PPFIA3: variants seen among roughly 807,000 people sequenced by gnomAD.
PPFIA3 encodes the protein PPFI scaffold protein A3.
A neutral mutation model predicts 145.8 loss-of-function variants in PPFIA3; 26 were observed. The ratio of observed to expected loss-of-function variants is 0.18; its 90% CI spans 0.13 to 0.25. PPFIA3 has a LOEUF of 0.25. PPFIA3 is among the 10% of genes least tolerant of loss of function. PPFIA3 has a pLI of 1.00. For synonymous variants in PPFIA3, 645 were observed against 661.4 expected (o/e 0.98, Z 0.38); for missense variants, 1,008 against 1,587.8 (o/e 0.63, Z 6.21).
chr19:49,136,772 G>A lies in PPFIA3; in HGVS notation c.1714G>A (p.Gly572Arg). 6.3e-7 allele frequency: 1 copy of A among 1,583,954 alleles called. No individual in the cohort carries two copies. The highest frequency in any genetic ancestry group is 1.3e-5 in the African/African-American group (1 of 74,688). The change falls in exon 15 of 30, where the codon GGG becomes AGG. Residue 572 changes from glycine to arginine, a missense_variant. Around this residue, in one of 11 missense-constraint regions of PPFIA3, gnomAD observed 121 missense variants for 138.2 expected, o/e 0.88. Transcript: ENST00000334186. ...PAGSIPPPFP[G>R]ELDGSDEEEA... is the part of the protein sequence containing the mutation. The stretch of plus-strand genomic sequence containing the variant: ...GGGCTCCATACCACCCCCATTCCCT[G>A]GGGAACTGGACGGCTCCGATGAGGA...
chr19:49,134,698 C>A lies in PPFIA3; in HGVS notation c.1437C>A (p.Asn479Lys), dbSNP rs1600336233. 1 of 1,613,876 alleles carries A rather than the reference C, an allele frequency of 6.2e-7. No individual in the cohort carries two copies. The highest frequency in any genetic ancestry group is 1.3e-5 in the African/African-American group (1 of 74,928). ...MKKLQDELLLNKEQLLAEMER... is the reference protein window; with the variant it reads ...MKKLQDELLLKKEQLLAEMER... Reference sequence around the variant, plus strand: ...AGCTTCAGGATGAGTTGCTGCTAAACAAGGTAGGGGGCCCTGAGGGGACAG... The same window carrying A: ...AGCTTCAGGATGAGTTGCTGCTAAAAAAGGTAGGGGGCCCTGAGGGGACAG... The change falls in exon 12 of 30, where the codon AAC (asparagine) becomes AAA (lysine). Residue 479 changes from asparagine (N) to lysine (K), a missense_variant. Physicochemically the swap from Asn to Lys is moderately conservative, Grantham distance 94 (BLOSUM62 0). Around this residue, in one of 11 missense-constraint regions of PPFIA3, gnomAD observed 21 missense variants for 46.4 expected, o/e 0.45. Coordinates refer to ENST00000334186, the MANE Select transcript of PPFIA3 (RefSeq NM_003660.4).
intron 11 of PPFIA3, among the ~76,000 whole-genome samples, 191 bp downstream of exon 11, chr19:49,134,356 C>T (rs1447872497): frequency 6.6e-6 from 1 of 152,184 alleles, no homozygotes; most frequent in Non-Finnish European, 1.5e-5. Flanking sequence ...TTCCAAGAGC[C>T]GAATTCTGGG....
chr19:49,148,500 C>A, intron 24 of PPFIA3, 166 bp from the exon 25 acceptor site: 1 of 714,982 alleles, frequency 1.4e-6, no homozygotes, highest in Non-Finnish European at 2.3e-6. Context: ...GTAGGAAGTG[C>A]CTATTATTGA....
intron 1 of PPFIA3, among the ~76,000 whole-genome samples, chr19:49,121,664 T>C (rs908693655): frequency 6.6e-6 from 1 of 152,046 alleles, no homozygotes. Flanking sequence ...TAATCCCAGC[T>C]ACTCAGGAGG....
chr19:49,126,299 A>G (rs2040997805), intron 1 of PPFIA3, among the ~76,000 whole-genome samples: 1 of 149,384 alleles, frequency 6.7e-6, no homozygotes, highest in Admixed American at 6.7e-5. Flanking sequence ...CCCAGGCTGG[A>G]GTTCAGTGGT....
In PPFIA3 at chr19:49,130,340, A is replaced by G. The variant is rs1312673080; in HGVS notation, c.658-38A>G. The G allele has an allele frequency of 7.2e-6, 11 of 1,526,212 alleles. No individual in the cohort carries two copies. Among genetic ancestry groups the G allele is most frequent in the Non-Finnish European group, 9.8e-6 (11 of 1,125,112 alleles). 94.5% of individuals were successfully genotyped at this position (1,526,212 alleles called of 1,614,324 possible). Reference sequence around the variant, plus strand: ...TTGGATTTCCTCTGTGTCTCCGGAGACACTCTGGGATCTTGTCCCCTCCTT... The same window carrying G: ...TTGGATTTCCTCTGTGTCTCCGGAGGCACTCTGGGATCTTGTCCCCTCCTT... On this transcript the variant is annotated intron_variant, in intron 6 of 29. Coordinates refer to ENST00000334186, the MANE Select transcript of PPFIA3 (RefSeq NM_003660.4). The surrounding 1 kb of genome is among the most constrained non-coding windows in gnomAD (Gnocchi z 4.5).
Position 49,123,772 on chromosome 19 carries a change from G to C in PPFIA3, c.-16+4050G>C, listed in dbSNP as rs114518850. Among the ~76,000 whole-genome samples, 512 of 152,202 alleles carry C rather than the reference G, an allele frequency of 3.4e-3. 1 individual carries two copies. The highest frequency in any genetic ancestry group is 0.012 in the African/African-American group (500 of 41,496). ...TTCTTAAATGTAAAAGATTCCCAGT[G>C]AAGTGTTCTACATAATGTTTTCCTT... On this transcript the variant is annotated intron_variant, in intron 1 of 29. Transcript: ENST00000334186.
At chr19:49,136,420 C>T (rs923882919) in intron 14 of PPFIA3, among the ~76,000 whole-genome samples, 3 of 152,140 alleles carry the variant, frequency 2.0e-5, no homozygotes, top group African/African-American at 7.2e-5. Flanking sequence ...AAAATGGCAT[C>T]GCTACTAAAA....
At chr19:49,129,516 G>T (rs2041043865) in intron 5 of PPFIA3, 62 bp downstream of exon 5, 3 of 1,518,374 alleles carry the variant, frequency 2.0e-6, no homozygotes, top group African/African-American at 1.4e-5. Flanking sequence ...GGCTGCCCAC[G>T]GGGCGGAGCC....
At chr19:49,126,448 AC>A (rs2041000485) in intron 1 of PPFIA3, among the ~76,000 whole-genome samples, 1 of 150,550 alleles carries the variant, frequency 6.6e-6, no homozygotes, top group East Asian at 2.0e-4. Context: ...GACGGGGGTC[AC>A]CATGTTGCAC....
intron 23 of PPFIA3, among the ~76,000 whole-genome samples, chr19:49,147,712 A>G (rs12980016): frequency 2.5e-4 from 19 of 75,412 alleles, no homozygotes; most frequent in East Asian, 6.0e-4. Flanking sequence ...GAGAGAGAGA[A>G]AGAGAGAAAG....
Position 49,130,311 on chromosome 19 carries a change from C to T in PPFIA3, c.658-67C>T. On this transcript the variant is annotated intron_variant, in intron 6 of 29. Coordinates refer to ENST00000334186, the MANE Select transcript of PPFIA3 (RefSeq NM_003660.4). The surrounding 1 kb of genome is among the most constrained non-coding windows in gnomAD (Gnocchi z 4.5). ...GATCTACTTTCAGCTGATTGACTTT[C>T]TCCTTGGATTTCCTCTGTGTCTCCG... is the stretch of plus-strand genomic sequence containing the variant. 2 of 1,419,168 alleles carry T rather than the reference C, an allele frequency of 1.4e-6. No homozygotes were observed. Among genetic ancestry groups the T allele is most frequent in the South Asian group, 1.3e-5 (1 of 74,250 alleles). 87.9% of individuals were successfully genotyped at this position (1,419,168 alleles called of 1,614,324 possible).
chr19:49,133,189 G>T lies in PPFIA3; in HGVS notation c.1026+42G>T, dbSNP rs766505149. The T allele has an allele frequency of 1.0e-5, 16 of 1,585,414 alleles. No individual in the cohort carries two copies. The highest frequency in any genetic ancestry group is 2.3e-4 in the Middle Eastern group (1 of 4,426). On this transcript the variant is annotated intron_variant, in intron 8 of 29. Transcript: ENST00000334186. The surrounding 1 kb of genome is among the most constrained non-coding windows in gnomAD (Gnocchi z 7.2). ...GAGGGGCGATGGGGGCGGTGCCGGG[G>T]CCCAAGTGACCCAGCCCGTCCCCTC...
Position 49,130,715 on chromosome 19 carries a change from C to T in PPFIA3, c.879+116C>T, listed in dbSNP as rs2122557892. 4 of 855,422 alleles carry T rather than the reference C, an allele frequency of 4.7e-6. No homozygotes were observed. In the South Asian group the frequency reaches 7.1e-5, roughly 15 times the overall value. The allele number at this position is 855,422 out of a possible 1,614,324, so 53.0% of individuals were successfully genotyped here. ...ATTCAGTCCACAGGCTGGGTGACTCCTCTTTGAGATTCAGTTTTCCCACCT... is the reference window on the plus strand; with the variant it reads ...ATTCAGTCCACAGGCTGGGTGACTCTTCTTTGAGATTCAGTTTTCCCACCT... On this transcript the variant is annotated intron_variant, in intron 7 of 29. Transcript: ENST00000334186. The surrounding 1 kb of genome is among the most constrained non-coding windows in gnomAD (Gnocchi z 4.5).
At chr19:49,143,485 G>C (rs2041247965) in intron 21 of PPFIA3, among the ~76,000 whole-genome samples, 1 of 151,938 alleles carries the variant, frequency 6.6e-6, no homozygotes, top group Non-Finnish European at 1.5e-5. Context: ...CCATTCTCCT[G>C]TCTCAGCCTC....
intron 19 of PPFIA3, 52 bp from the exon 20 acceptor site, chr19:49,141,982 C>G: frequency 6.9e-7 from 1 of 1,446,024 alleles, no homozygotes; most frequent in Non-Finnish European, 9.5e-7. Flanking sequence ...ATCCACAGAG[C>G]AGGGGGTCTC....
Position 49,133,217 on chromosome 19 carries a change from C to G in PPFIA3, c.1027-20C>G, listed in dbSNP as rs949483145. ...CAAGTGACCCAGCCCGTCCCCTCCC[C>G]CTGCCTCTCCCTCCCCCAGAGTGAA... On this transcript the variant is annotated intron_variant, in intron 8 of 29. Coordinates refer to ENST00000334186, the MANE Select transcript of PPFIA3 (RefSeq NM_003660.4). This position sits in a 1 kb window ranked among gnomAD's most constrained non-coding sequence, Gnocchi z 7.2. 4 of 1,593,334 alleles carry G rather than the reference C, an allele frequency of 2.5e-6. No individual in the cohort carries two copies. Among genetic ancestry groups the G allele is most frequent in the Non-Finnish European group, 2.6e-6 (3 of 1,167,926 alleles).
At position 49,149,554 on chromosome 19, in the gene PPFIA3, C is replaced by T; in HGVS notation, c.3362C>T (p.Ala1121Val). The T allele has an allele frequency of 6.2e-7, 1 of 1,614,174 alleles. No homozygotes were observed. The highest frequency in any genetic ancestry group is 8.5e-7 in the Non-Finnish European group (1 of 1,180,024). ...TCCGGCTCCTATACCTAGGACAGCGCCAAGTCTTTCAGCCGCTCCCCATCC... is the reference window on the plus strand; with the variant it reads ...TCCGGCTCCTATACCTAGGACAGCGTCAAGTCTTTCAGCCGCTCCCCATCC... Reference protein sequence around the residue: ...GTDRRLDEDSAKSFSRSPSWR... With the variant: ...GTDRRLDEDSVKSFSRSPSWR... Residue 1121 changes from alanine (A) to valine (V), a missense_variant, in exon 28 of 30, where the codon GCC becomes GTC. Physicochemically the swap from Ala to Val is moderately conservative, Grantham distance 64 (BLOSUM62 0). Around this residue, in one of 11 missense-constraint regions of PPFIA3, gnomAD observed 125 missense variants for 159.3 expected, o/e 0.78. Transcript: ENST00000334186. The surrounding 1 kb of genome is among the most constrained non-coding windows in gnomAD (Gnocchi z 5.7).
At chr19:49,140,152 T>G in intron 18 of PPFIA3, 64 bp downstream of exon 18, 1 of 1,550,036 alleles carries the variant, frequency 6.5e-7, no homozygotes, top group East Asian at 2.3e-5. Context: ...TCCCTTTCTT[T>G]CTTCTTTGTA....
Sources: allele counts gnomAD v4.1 joint callset (sites outside exome capture counted in the v4.1 genomes callset), GRCh38; gene constraint gnomAD v4.1.1; regional missense constraint gnomAD v4.1.1; non-coding constraint Gnocchi (gnomAD v3.1); transcripts MANE v1.5; gene names NCBI Gene and HGNC (gene_info 2026-07-23, HGNC 2026-07-21).